Variants in SEC24B observed in about 807,000 individuals in gnomAD.
SEC24B encodes the protein protein transport protein Sec24B.
SEC24B carries 45 observed loss-of-function variants against 142.8 expected under a neutral mutation model. That is an observed-to-expected ratio of 0.32 (90% CI 0.25 to 0.40). The LOEUF is 0.40. Ranked by LOEUF, SEC24B falls within the 10% of genes least tolerant of loss-of-function variation. The pLI, the probability that SEC24B is intolerant of heterozygous loss-of-function variation, is 1.00. For missense variants in SEC24B, 1,409 were observed against 1,526.8 expected (o/e 0.92, Z 1.29); for synonymous variants, 574 against 568.2 (o/e 1.01, Z -0.15).
chr4:109,487,892 C>T (rs1272920296), intron 4 of SEC24B, among the ~76,000 whole-genome samples: 1 of 152,038 alleles, frequency 6.6e-6, no homozygotes, highest in Admixed American at 6.6e-5. Context: ...AACTTATAGC[C>T]TTATTAAAAT....
intron 6 of SEC24B, among the ~76,000 whole-genome samples, chr4:109,496,407 T>C (rs898360645): frequency 6.6e-6 from 1 of 152,124 alleles, no homozygotes; most frequent in Non-Finnish European, 1.5e-5. Flanking sequence ...GAGCCACTGC[T>C]CCTGGCCAGG....
intron 1 of SEC24B, among the ~76,000 whole-genome samples, chr4:109,462,648 G>A (rs1018098548): frequency 7.2e-5 from 11 of 152,108 alleles, no homozygotes; most frequent in Admixed American, 1.3e-4. Flanking sequence ...CACCTTTGCC[G>A]TATGCTACTG....
At chr4:109,472,231 A>G (rs890242485) in intron 2 of SEC24B, among the ~76,000 whole-genome samples, 1 of 152,190 alleles carries the variant, frequency 6.6e-6, no homozygotes, top group Non-Finnish European at 1.5e-5. Context: ...TTTATTCAGT[A>G]TATCGTGACT....
intron 7 of SEC24B, 73 bp downstream of exon 7, chr4:109,506,585 T>C: frequency 9.6e-6 from 10 of 1,045,852 alleles, no homozygotes; most frequent in Non-Finnish European, 1.3e-5. Context: ...ATAGTAAAAG[T>C]AGTATGTTAT....
chr4:109,452,871 A>G (rs1262816986), intron 1 of SEC24B, among the ~76,000 whole-genome samples: 1 of 151,972 alleles, frequency 6.6e-6, no homozygotes, highest in African/African-American at 2.4e-5. Context: ...ACTGTGTCTT[A>G]TTTTTATTTT....
At chr4:109,461,577 C>T (rs773395567) in intron 1 of SEC24B, among the ~76,000 whole-genome samples, 5 of 152,090 alleles carry the variant, frequency 3.3e-5, no homozygotes, top group Non-Finnish European at 5.9e-5. Context: ...AAGCAAGTTG[C>T]GGAACTGTAA....
At chr4:109,535,567 G>C (rs1182167593) in intron 22 of SEC24B, among the ~76,000 whole-genome samples, 2 of 147,156 alleles carry the variant, frequency 1.4e-5, no homozygotes, top group African/African-American at 5.0e-5. Flanking sequence ...AAAAAAAAGT[G>C]GCTGGGCGCG....
At chr4:109,528,069 A>G (rs886527366) in intron 18 of SEC24B, among the ~76,000 whole-genome samples, 1 of 152,144 alleles carries the variant, frequency 6.6e-6, no homozygotes, top group Non-Finnish European at 1.5e-5. Context: ...ATGCCTCTCA[A>G]AGACATTGTG....
At chr4:109,516,871 C>T in intron 11 of SEC24B, among the ~76,000 whole-genome samples, 1 of 152,058 alleles carries the variant, frequency 6.6e-6, no homozygotes, top group South Asian at 2.1e-4. Context: ...GAATTTAGAT[C>T]TCATCTAACT....
Position 109,473,030 on chromosome 4 carries a change from A to G in SEC24B, c.904A>G (p.Met302Val), listed in dbSNP as rs753123021. The G allele has an allele frequency of 3.8e-6, 6 of 1,586,660 alleles. No individual in the cohort carries two copies. In the Admixed American group the frequency reaches 1.1e-4, roughly 29 times the overall value. Residue 302 changes from methionine (M) to valine (V), a missense_variant, in exon 3 of 24, where the codon ATG becomes GTG. Physicochemically the swap from Met to Val is conservative, Grantham distance 21. Coordinates refer to ENST00000265175, the MANE Select transcript of SEC24B (RefSeq NM_006323.5). ...TVADSLSCPV[M>V]QNVQPPKSSP... ...TGCAGATTCTTTATCCTGTCCTGTT[A>G]TGCAAAATGTTCAGCCTCCCAAGTC... is the stretch of plus-strand genomic sequence containing the variant.
chr4:109,478,883 C>T (rs1463312300), intron 3 of SEC24B, among the ~76,000 whole-genome samples: 1 of 152,182 alleles, frequency 6.6e-6, no homozygotes, highest in African/African-American at 2.4e-5. Flanking sequence ...TTCCTTAAAA[C>T]CATTCTTTTG....
At position 109,464,829 on chromosome 4, in the gene SEC24B, G is replaced by A. The variant is rs72896682; in HGVS notation, c.877+1185G>A. On this transcript the variant is annotated intron_variant, in intron 2 of 23. Coordinates refer to ENST00000265175, the MANE Select transcript of SEC24B (RefSeq NM_006323.5). ...TCATCTACTCTTTCATTGCTATGTCGTTTAGAAATGCTTTCAGATACAAGC... is the reference window on the plus strand; with the variant it reads ...TCATCTACTCTTTCATTGCTATGTCATTTAGAAATGCTTTCAGATACAAGC... Among the ~76,000 whole-genome samples, 1,173 of 152,212 alleles carry A rather than the reference G, an allele frequency of 7.7e-3. 14 individuals carry two copies. Among genetic ancestry groups the A allele is most frequent in the African/African-American group, 0.027 (1,111 of 41,512 alleles).
At chr4:109,502,800 A>G (rs1251401703) in intron 6 of SEC24B, among the ~76,000 whole-genome samples, 2 of 152,336 alleles carry the variant, frequency 1.3e-5, no homozygotes, top group East Asian at 3.9e-4. Flanking sequence ...CCCTTTCTCT[A>G]TATTGTGAAG....
At position 109,521,119 on chromosome 4, in the gene SEC24B, GT is replaced by G; in HGVS notation, c.2253del (p.Leu752TyrfsTer9). 6.7e-7 allele frequency: 1 copy of G among 1,500,404 alleles called. No individual in the cohort carries two copies. Among genetic ancestry groups the G allele is most frequent in the Non-Finnish European group, 9.2e-7 (1 of 1,082,566 alleles). 92.9% of individuals were successfully genotyped at this position (1,500,404 alleles called of 1,614,324 possible). A position where few individuals can be genotyped will look rare whatever the true frequency, so the allele number is the denominator to read the frequency against. The part of the protein sequence containing the change: ...QMLIVSDIDD[V>X]FLPTPDSLLV... ...TAAAATATGTGTTTTCCCTATAGAT[GT>G]TTTTCTACCTACACCGGATAGTTTA... is the stretch of plus-strand genomic sequence containing the variant. On this transcript the variant is annotated frameshift_variant, in exon 13 of 24. Coordinates refer to ENST00000265175, the MANE Select transcript of SEC24B (RefSeq NM_006323.5). LOFTEE classifies it high-confidence loss of function.
chr4:109,442,737 T>A (rs1431472949), intron 1 of SEC24B, among the ~76,000 whole-genome samples: 2 of 152,128 alleles, frequency 1.3e-5, no homozygotes, highest in African/African-American at 2.4e-5. Flanking sequence ...AAATTAGAGA[T>A]GTGGTTTTTG....
intron 1 of SEC24B, chr4:109,450,798 G>T (rs1037247412): frequency 6.9e-6 from 1 of 145,974 alleles, no homozygotes; most frequent in African/African-American, 2.6e-5. Flanking sequence ...CTCTTGCTCA[G>T]GCTGGAGTAC....
intron 2 of SEC24B, among the ~76,000 whole-genome samples, chr4:109,471,670 C>T (rs1046828313): frequency 6.6e-6 from 1 of 152,040 alleles, no homozygotes; most frequent in Non-Finnish European, 1.5e-5. Context: ...GTTTGCGGGA[C>T]TAGAAGATTC....
chr4:109,490,553 C>T (rs1734921078), intron 4 of SEC24B, among the ~76,000 whole-genome samples: 1 of 151,968 alleles, frequency 6.6e-6, no homozygotes, highest in African/African-American at 2.4e-5. Flanking sequence ...TATACGCTAG[C>T]ATACGTACCC....
At chr4:109,438,367 A>G (rs1472606660) in intron 1 of SEC24B, among the ~76,000 whole-genome samples, 10 of 152,178 alleles carry the variant, frequency 6.6e-5, no homozygotes, top group African/African-American at 2.4e-4. Context: ...AAGCTGGAGT[A>G]CAGTGTTGCC....
Sources: gnomAD v4.1 joint callset for allele counts (sites outside exome capture counted in the v4.1 genomes callset) on GRCh38, gnomAD v4.1.1 for gene constraint, MANE v1.5 for transcripts, NCBI Gene and HGNC (gene_info 2026-07-23, HGNC 2026-07-21) for gene names.